The following CNIH2 variants were observed in gnomAD, a reference collection of about 807,000 sequenced individuals.
The protein encoded by CNIH2 is cornichon family AMPA receptor auxiliary protein 2, also known as protein cornichon homolog 2.
In CNIH2, 8 loss-of-function variants were observed where a neutral mutation model predicts 22.9. The ratio of observed to expected loss-of-function variants is 0.35; its 90% CI spans 0.20 to 0.63. The LOEUF (loss-of-function observed/expected upper bound fraction) is 0.63. Among genes scored for constraint, CNIH2 ranks in the 30% least tolerant of loss-of-function variants. CNIH2 has a pLI of 0.72. For synonymous variants in CNIH2, 74 were observed against 78.2 expected (o/e 0.95, Z 0.28); for missense variants, 105 against 206.2 (o/e 0.51, Z 3.01).
rs1857197463 is a variant in CNIH2 at position 66,278,474 on chromosome 11, C to A, written c.18C>A (p.Ala6=). MAFTF[A]AFCYMLTLVL... ...CGGGGGCCATGGCGTTCACCTTCGC[C>A]GCGTTCTGCTACATGCTCACCCTGG... Residue 6 remains alanine, a synonymous_variant, in exon 1 of 6, where the codon GCC becomes GCA. Transcript: ENST00000311445. 1 of 1,456,228 alleles carries A rather than the reference C, an allele frequency of 6.9e-7. No individual in the cohort carries two copies. Among genetic ancestry groups the A allele is most frequent in the Non-Finnish European group, 9.1e-7 (1 of 1,096,592 alleles). 90.2% of individuals were successfully genotyped at this position (1,456,228 alleles called of 1,614,324 possible). A position where few individuals can be genotyped will look rare whatever the true frequency, so the allele number is the denominator to read the frequency against.
At chr11:66,280,630 G>T (rs933218888) in intron 1 of CNIH2, among the ~76,000 whole-genome samples, 1 of 152,184 alleles carries the variant, frequency 6.6e-6, no homozygotes, top group Non-Finnish European at 1.5e-5. Context: ...CAGGCAGCCT[G>T]GGGGGTGGGA....
At chr11:66,282,461 C>G (rs991513483) in intron 2 of CNIH2, 134 bp downstream of exon 2, 1 of 1,121,036 alleles carries the variant, frequency 8.9e-7, no homozygotes, top group South Asian at 1.3e-5. Flanking sequence ...TCTCTGTCTC[C>G]GCCCCCAGCA....
chr11:66,281,909 C>T (rs1857263644), intron 1 of CNIH2, among the ~76,000 whole-genome samples: 1 of 152,132 alleles, frequency 6.6e-6, no homozygotes, highest in Admixed American at 6.5e-5. Flanking sequence ...GATCATCCCT[C>T]TGGGCCTGGG....
intron 3 of CNIH2, 66 bp from the exon 4 acceptor site, chr11:66,282,969 T>C: frequency 1.4e-6 from 2 of 1,468,964 alleles, no homozygotes; most frequent in South Asian, 2.3e-5. Context: ...CCAGCTCCTC[T>C]CTGTCCCCTT....
Position 66,282,923 on chromosome 11 carries a change from C to T in CNIH2, c.199-112C>T, listed in dbSNP as rs1857285176. 4.4e-6 allele frequency: 6 copies of T among 1,351,054 alleles called. No individual in the cohort carries two copies. The South Asian group carries it at 7.2e-5, about 16-fold the overall frequency. The allele number at this position is 1,351,054 out of a possible 1,614,324, so 83.7% of individuals were successfully genotyped here. On this transcript the variant is annotated intron_variant, in intron 3 of 5. Transcript: ENST00000311445. ...AGTGGGAAGCCAGAGGCCTTTTAAT[C>T]CCCAGAGGTCACGGTGGGTGGGCAC...
At position 66,283,671 on chromosome 11, in the gene CNIH2, C is replaced by A; in HGVS notation, c.*74C>A. ...CACCCCCAGCCCTGCCCCTTGGCCG[C>A]AGAGGCCTCAGCCCTGGGGAGGGAG... On this transcript the variant is annotated 3_prime_UTR_variant, in exon 6 of 6. Coordinates refer to ENST00000311445, the MANE Select transcript of CNIH2 (RefSeq NM_182553.3). The A allele has an allele frequency of 6.6e-7, 1 of 1,512,506 alleles. No homozygotes were observed. The highest frequency in any genetic ancestry group is 9.0e-7 in the Non-Finnish European group (1 of 1,115,402). 93.7% of individuals were successfully genotyped at this position (1,512,506 alleles called of 1,614,324 possible).
At chr11:66,283,464 C>T (rs1222473848) in intron 5 of CNIH2, 73 bp downstream of exon 5, 1 of 1,611,518 alleles carries the variant, frequency 6.2e-7, no homozygotes, top group African/African-American at 1.3e-5. Flanking sequence ...TCCCAAGTTC[C>T]TGCCTTTTGC....
In CNIH2 at chr11:66,283,681, AGCCCTGGGG is replaced by A; in HGVS notation, c.*85_*93del. 1 of 1,458,394 alleles carries A rather than the reference AGCCCTGGGG, an allele frequency of 6.9e-7. No individual in the cohort carries two copies. Among genetic ancestry groups the A allele is most frequent in the Non-Finnish European group, 9.3e-7 (1 of 1,073,656 alleles). 90.3% of individuals were successfully genotyped at this position (1,458,394 alleles called of 1,614,324 possible). On this transcript the variant is annotated 3_prime_UTR_variant, in exon 6 of 6. Transcript: ENST00000311445. ...CCTGCCCCTTGGCCGCAGAGGCCTC[AGCCCTGGGG>A]AGGGAGGGGGCACTGGTGCCCCCAG...
chr11:66,281,014 G>A (rs983789208), intron 1 of CNIH2, among the ~76,000 whole-genome samples: 2 of 152,112 alleles, frequency 1.3e-5, no homozygotes, highest in African/African-American at 2.4e-5. Context: ...CACCCGTGAG[G>A]ACACTGCCGT....
chr11:66,278,774 C>T (rs1857206488), intron 1 of CNIH2, among the ~76,000 whole-genome samples: 2 of 151,340 alleles, frequency 1.3e-5, no homozygotes, highest in South Asian at 4.2e-4. Context: ...TGACCCCCTC[C>T]TCTGCCCTCG....
chr11:66,279,667 C>G (rs1026980748), intron 1 of CNIH2, among the ~76,000 whole-genome samples: 49 of 152,274 alleles, frequency 3.2e-4, no homozygotes, highest in African/African-American at 1.1e-3. Flanking sequence ...TCTCCACTTC[C>G]TCTCTCCTTT....
Position 66,283,686 on chromosome 11 carries a change from T to C in CNIH2, c.*89T>C. The C allele has an allele frequency of 6.9e-7, 1 of 1,452,558 alleles. No homozygotes were observed. The highest frequency in any genetic ancestry group is 2.5e-5 in the East Asian group (1 of 40,166). 90.0% of individuals were successfully genotyped at this position (1,452,558 alleles called of 1,614,324 possible). A position where few individuals can be genotyped will look rare whatever the true frequency, so the allele number is the denominator to read the frequency against. ...CCCTTGGCCGCAGAGGCCTCAGCCC[T>C]GGGGAGGGAGGGGGCACTGGTGCCC... On this transcript the variant is annotated 3_prime_UTR_variant, in exon 6 of 6. Coordinates refer to ENST00000311445, the MANE Select transcript of CNIH2 (RefSeq NM_182553.3).
chr11:66,282,716 T>G lies in CNIH2; in HGVS notation c.151-17T>G. 1 of 1,613,726 alleles carries G rather than the reference T, an allele frequency of 6.2e-7. No individual in the cohort carries two copies. The highest frequency in any genetic ancestry group is 8.5e-7 in the Non-Finnish European group (1 of 1,179,962). ...CTTCTCCGCCACCCCATCGCGGCCT[T>G]TTCCTTCCCCCAACAGCGCGAGCGT... is the stretch of plus-strand genomic sequence containing the variant. On this transcript the variant is annotated splice_polypyrimidine_tract_variant and intron_variant, in intron 2 of 5. Coordinates refer to ENST00000311445, the MANE Select transcript of CNIH2 (RefSeq NM_182553.3).
At chr11:66,282,512 G>A in intron 2 of CNIH2, 185 bp downstream of exon 2, 1 of 875,296 alleles carries the variant, frequency 1.1e-6, no homozygotes. Flanking sequence ...CTCTTGGCGG[G>A]GCGGTGGTTG....
chr11:66,283,481 G>A (rs4073583), intron 5 of CNIH2, 89 bp from the exon 6 acceptor site: 6 of 1,609,120 alleles, frequency 3.7e-6, no homozygotes, highest in Non-Finnish European at 3.4e-6. Flanking sequence ...TTGCCCCTGA[G>A]GACTGAGGGC....
chr11:66,278,384 C>G lies in CNIH2; in HGVS notation c.-73C>G. 1.8e-6 allele frequency: 1 copy of G among 547,314 alleles called. No homozygotes were observed. Among genetic ancestry groups the G allele is most frequent in the Non-Finnish European group, 2.3e-6 (1 of 427,952 alleles). 33.9% of individuals were successfully genotyped at this position (547,314 alleles called of 1,614,324 possible). ...GGCCATGCCCGGCCGGCCCTAAGCG[C>G]GGGCCGGGGGGCGTCCCCTTGCGCC... is the stretch of plus-strand genomic sequence containing the variant. On this transcript the variant is annotated 5_prime_UTR_variant, in exon 1 of 6. Transcript: ENST00000311445.
Position 66,283,008 on chromosome 11 carries a change from G to A in CNIH2, c.199-27G>A, listed in dbSNP as rs746930606. ...GGCTGGTCTGTCATAGCACCAGGCC[G>A]CTGACCTCTCACCCTCACTCCCCCA... On this transcript the variant is annotated intron_variant, in intron 3 of 5. Coordinates refer to ENST00000311445, the MANE Select transcript of CNIH2 (RefSeq NM_182553.3). 3.2e-6 allele frequency: 5 copies of A among 1,586,848 alleles called. No homozygotes were observed. In the South Asian group the frequency reaches 3.3e-5, roughly 11 times the overall value.
At chr11:66,282,396 G>A in intron 2 of CNIH2, 69 bp downstream of exon 2, 7 of 1,358,532 alleles carry the variant, frequency 5.2e-6, no homozygotes, top group East Asian at 2.5e-5. Context: ...TGGGCTGGGG[G>A]TGGGAGACGG....
At chr11:66,282,893 G>C in intron 3 of CNIH2, 113 bp downstream of exon 3, 2 of 1,410,758 alleles carry the variant, frequency 1.4e-6, no homozygotes, top group Non-Finnish European at 2.0e-6. Context: ...CTCTACTTGG[G>C]AGGGAGTGGG....
Sources: gnomAD v4.1 joint callset for allele counts (sites outside exome capture counted in the v4.1 genomes callset) on GRCh38, gnomAD v4.1.1 for gene constraint, MANE v1.5 for transcripts, NCBI Gene and HGNC (gene_info 2026-07-23, HGNC 2026-07-21) for gene names.